The following KIF16B variants were observed in gnomAD, a reference collection of about 807,000 sequenced individuals.
KIF16B encodes the protein kinesin family member 16B.
A neutral mutation model predicts 156.3 loss-of-function variants in KIF16B; 98 were observed. The observed-to-expected ratio is 0.63, with a 90% CI of 0.53 to 0.74. The LOEUF is 0.74. Ranked by LOEUF, KIF16B falls within the 30% of genes least tolerant of loss-of-function variation. The pLI is 0.00. For synonymous variants in KIF16B, 564 were observed against 583.7 expected, an observed-to-expected ratio of 0.97 and a Z score of 0.49; for missense variants, 1,421 against 1,606.5, an observed-to-expected ratio of 0.88 and a Z score of 1.97.
At chr20:16,545,937 T>C (rs2070389761) in intron 1 of KIF16B, among the ~76,000 whole-genome samples, 2 of 151,416 alleles carry the variant, frequency 1.3e-5, no homozygotes, top group African/African-American at 2.4e-5. Context: ...GCCTATAAAA[T>C]GGAGTTGATT....
At chr20:16,378,657 C>A in intron 19 of KIF16B, 148 bp downstream of exon 19, 1 of 791,048 alleles carries the variant, frequency 1.3e-6, no homozygotes, top group African/African-American at 1.8e-5. Context: ...TCAGTTCTGG[C>A]AAATATAAGC....
intron 25 of KIF16B, among the ~76,000 whole-genome samples, chr20:16,278,768 C>T (rs2063101661): frequency 6.6e-6 from 1 of 152,142 alleles, no homozygotes; most frequent in Admixed American, 6.6e-5. Context: ...ATGAGAGACA[C>T]CCTAGACTCA....
chr20:16,413,994 T>A (rs1483128336), intron 15 of KIF16B, among the ~76,000 whole-genome samples: 1 of 152,060 alleles, frequency 6.6e-6, no homozygotes, highest in South Asian at 2.1e-4. Flanking sequence ...TTAAAGATAT[T>A]TATTTATATT....
At chr20:16,458,329 T>A (rs1040922873) in intron 12 of KIF16B, among the ~76,000 whole-genome samples, 3 of 152,248 alleles carry the variant, frequency 2.0e-5, no homozygotes, top group Non-Finnish European at 4.4e-5. Context: ...GTTCTCACTT[T>A]TCCTCTTGAT....
At chr20:16,292,422 G>GA in intron 25 of KIF16B, among the ~76,000 whole-genome samples, 1 of 152,164 alleles carries the variant, frequency 6.6e-6, no homozygotes, top group East Asian at 1.9e-4. Context: ...TGTTGTCAGG[G>GA]GAAAAAATAG....
chr20:16,510,747 G>A (rs34894115), intron 6 of KIF16B, among the ~76,000 whole-genome samples: 14,253 of 152,168 alleles, frequency 0.094, 817 homozygotes, highest in African/African-American at 0.17. Context: ...TTAAACCTGT[G>A]ACCAGTTCTG....
intron 14 of KIF16B, among the ~76,000 whole-genome samples, chr20:16,428,550 G>A (rs554719633): frequency 3.3e-5 from 5 of 152,254 alleles, no homozygotes; most frequent in African/African-American, 1.2e-4. Context: ...TCATCTTTGT[G>A]AAGACAGTGC....
intron 25 of KIF16B, among the ~76,000 whole-genome samples, chr20:16,293,923 C>G (rs1360210): frequency 0.7 from 105,502 of 151,524 alleles, 37,234 homozygotes; most frequent in East Asian, 0.99. Context: ...AGAGGGGCTG[C>G]GGGGGGTGCA....
At chr20:16,482,454 G>A (rs756865096) in intron 12 of KIF16B, among the ~76,000 whole-genome samples, 5 of 152,072 alleles carry the variant, frequency 3.3e-5, no homozygotes, top group African/African-American at 4.8e-5. Context: ...AGAGGTCAAT[G>A]AGAAATTGAG....
chr20:16,404,978 C>T (rs2146264351), intron 16 of KIF16B, 77 bp from the exon 17 acceptor site: 1 of 983,370 alleles, frequency 1.0e-6, no homozygotes, highest in African/African-American at 1.6e-5. Flanking sequence ...TTGCTTCCAA[C>T]ATGTGAGAGA....
chr20:16,400,909 T>C (rs1436792664), intron 17 of KIF16B, among the ~76,000 whole-genome samples: 1 of 152,128 alleles, frequency 6.6e-6, no homozygotes, highest in Non-Finnish European at 1.5e-5. Flanking sequence ...ACGAAACTGG[T>C]TGCACAGTAA....
chr20:16,286,472 A>G (rs2063223842), intron 25 of KIF16B, among the ~76,000 whole-genome samples: 1 of 151,720 alleles, frequency 6.6e-6, no homozygotes, highest in African/African-American at 2.4e-5. Flanking sequence ...ATAAAATCAC[A>G]ATGTTGTTGT....
intron 24 of KIF16B, among the ~76,000 whole-genome samples, chr20:16,335,240 C>T (rs1011550546): frequency 2.0e-4 from 31 of 152,192 alleles, no homozygotes; most frequent in African/African-American, 7.2e-4. Context: ...CTAGATAATG[C>T]TTCCTTTAGT....
intron 1 of KIF16B, among the ~76,000 whole-genome samples, chr20:16,569,864 C>G (rs1485356053): frequency 1.3e-5 from 2 of 151,930 alleles, no homozygotes; most frequent in East Asian, 3.9e-4. Flanking sequence ...TAAAAACAAA[C>G]AGTAAAAAAA....
chr20:16,547,192 G>A (rs1440235305), intron 1 of KIF16B, among the ~76,000 whole-genome samples: 9 of 152,120 alleles, frequency 5.9e-5, no homozygotes, highest in Admixed American at 2.0e-4. Flanking sequence ...CTCAGCGTCC[G>A]CATCCATCAC....
intron 3 of KIF16B, among the ~76,000 whole-genome samples, chr20:16,525,461 C>T (rs1310609921): frequency 6.6e-6 from 1 of 152,074 alleles, no homozygotes; most frequent in Non-Finnish European, 1.5e-5. Context: ...TCCCTCTGCT[C>T]ACCTGAAATG....
intron 23 of KIF16B, among the ~76,000 whole-genome samples, chr20:16,337,264 T>C (rs189227834): frequency 2.4e-4 from 36 of 152,254 alleles, no homozygotes; most frequent in African/African-American, 6.5e-4. Context: ...TTCAGCCTGA[T>C]TCTCCCGCAG....
chr20:16,308,016 T>C (rs1475845484), intron 25 of KIF16B, among the ~76,000 whole-genome samples: 1 of 152,202 alleles, frequency 6.6e-6, no homozygotes, highest in Non-Finnish European at 1.5e-5. Flanking sequence ...TCTAAGCTTA[T>C]ATTTTTCAGT....
intron 22 of KIF16B, among the ~76,000 whole-genome samples, chr20:16,366,333 G>T (rs1338453537): frequency 6.6e-6 from 1 of 152,130 alleles, no homozygotes; most frequent in Non-Finnish European, 1.5e-5. Flanking sequence ...CCTCTAAGGG[G>T]ACTATATATT....
Sources: allele counts gnomAD v4.1 joint callset (sites outside exome capture counted in the v4.1 genomes callset), GRCh38; gene constraint gnomAD v4.1.1; transcripts MANE v1.5; gene names NCBI Gene and HGNC (gene_info 2026-07-23, HGNC 2026-07-21).